Variants in SOX6 observed in about 807,000 individuals in gnomAD.
SOX6 encodes transcription factor SOX-6.
A neutral mutation model predicts 97.8 loss-of-function variants in SOX6; 11 were observed. The ratio of observed to expected loss-of-function variants is 0.11; its 90% confidence interval spans 0.07 to 0.19. SOX6 has a LOEUF of 0.19. SOX6 is among the 10% of genes least tolerant of loss of function. SOX6 has a pLI of 1.00. For missense variants in SOX6, 810 were observed against 1,039.5 expected, an observed-to-expected ratio of 0.78 and a Z score of 3.04; for synonymous variants, 360 against 371.4, an observed-to-expected ratio of 0.97 and a Z score of 0.35.
chr11:15,983,278 C>G (rs1003147435), intron 15 of SOX6, among the ~76,000 whole-genome samples: 1 of 151,940 alleles, frequency 6.6e-6, no homozygotes, highest in African/African-American at 2.4e-5. Flanking sequence ...ACTTACTCTG[C>G]GAACTGAAGA....
At chr11:16,179,773 G>A (rs1851297969) in intron 6 of SOX6, among the ~76,000 whole-genome samples, 1 of 151,864 alleles carries the variant, frequency 6.6e-6, no homozygotes, top group Non-Finnish European at 1.5e-5. Context: ...ACCCCATCCA[G>A]CCAGTCCATT....
intron 6 of SOX6, among the ~76,000 whole-genome samples, chr11:16,132,493 A>C (rs11824857): frequency 0.058 from 6,228 of 106,858 alleles, 784 homozygotes; most frequent in African/African-American, 0.064. Context: ...AGAAAGAAAG[A>C]AAGAAAGAAA....
chr11:16,159,499 A>G (rs1331411356), intron 6 of SOX6, among the ~76,000 whole-genome samples: 7 of 152,106 alleles, frequency 4.6e-5, no homozygotes, highest in African/African-American at 1.2e-4. Context: ...AGGTAATTTG[A>G]CAGAGAAATA....
chr11:16,682,618 C>T (rs962100110), intron 3 of SOX6, among the ~76,000 whole-genome samples: 1 of 152,144 alleles, frequency 6.6e-6, no homozygotes, highest in Non-Finnish European at 1.5e-5. Flanking sequence ...ATGACAAACC[C>T]ACAGCCAACA....
intron 3 of SOX6, among the ~76,000 whole-genome samples, chr11:16,306,611 C>CTTTTTTTTTTTTTTTTTTTTTT (rs750981587): frequency 3.3e-5 from 4 of 120,802 alleles, no homozygotes; most frequent in Admixed American, 9.1e-5. Context: ...CCTCAAATTT[C>CTTTTTTTTTTTTTTTTTTTTTT]TTTTTTTTTT....
Position 16,482,120 on chromosome 11 carries a change from G to A in SOX6, n.610-5732C>T, listed in dbSNP as rs545445710. On this transcript the variant is annotated intron_variant and non_coding_transcript_variant, in intron 4 of 5. Coordinates refer to the SOX6 transcript ENST00000524520. Reference sequence around the variant, plus strand: ...AAAGTATCCATTTTCACACAGATAGGTAGTTAGAAAGAGGCAGAATGTTTT... The same window carrying A: ...AAAGTATCCATTTTCACACAGATAGATAGTTAGAAAGAGGCAGAATGTTTT... Among the ~76,000 whole-genome samples the A allele has an allele frequency of 1.1e-4, 16 of 142,758 alleles. No individual in the cohort carries two copies. The South Asian group carries it at 4.1e-3, about 36-fold the overall frequency. The allele number at this position is 142,758 out of a possible 152,430, so 93.7% of individuals were successfully genotyped here.
At chr11:16,444,553 T>C (rs540222098) in intron 1 of SOX6, among the ~76,000 whole-genome samples, 1 of 152,340 alleles carries the variant, frequency 6.6e-6, no homozygotes, top group Non-Finnish European at 1.5e-5. Flanking sequence ...GGCAATTTTG[T>C]TCACAGAATT....
intron 1 of SOX6, among the ~76,000 whole-genome samples, chr11:16,373,872 GAA>G: frequency 1.1e-4 from 2 of 18,298 alleles, no homozygotes; most frequent in Non-Finnish European, 1.8e-4. Context: ...AGGAAGGAAG[GAA>G]GGAAGGAAGG....
At chr11:16,611,928 A>G (rs1848403213) in intron 4 of SOX6, among the ~76,000 whole-genome samples, 1 of 152,248 alleles carries the variant, frequency 6.6e-6, no homozygotes, top group Admixed American at 6.5e-5. Flanking sequence ...AAAGAAAAAT[A>G]AAGATAAATC....
chr11:16,053,429 C>T (rs1847732525), intron 10 of SOX6, among the ~76,000 whole-genome samples: 1 of 152,012 alleles, frequency 6.6e-6, no homozygotes, highest in Non-Finnish European at 1.5e-5. Flanking sequence ...CCACTAAAAC[C>T]ACCACACCAT....
At chr11:16,503,855 T>C (rs1159731016) in intron 4 of SOX6, among the ~76,000 whole-genome samples, 4 of 151,888 alleles carry the variant, frequency 2.6e-5, no homozygotes, top group African/African-American at 7.3e-5. Flanking sequence ...CCATCCTGGC[T>C]AACAAGGTGA....
chr11:16,317,655 T>C (rs1318363577), intron 3 of SOX6: 3 of 152,904 alleles, frequency 2.0e-5, no homozygotes. Flanking sequence ...TTCCCTAATA[T>C]CAAATCCCAA....
At chr11:15,989,720 C>A (rs1853985743) in intron 13 of SOX6, among the ~76,000 whole-genome samples, 1 of 152,168 alleles carries the variant, frequency 6.6e-6, no homozygotes, top group African/African-American at 2.4e-5. Flanking sequence ...AACCTTCAAT[C>A]ATGTTTCATG....
intron 3 of SOX6, among the ~76,000 whole-genome samples, chr11:16,260,951 C>A (rs1171980275): frequency 1.3e-5 from 2 of 152,138 alleles, no homozygotes; most frequent in African/African-American, 4.8e-5. Flanking sequence ...CTGCTATATT[C>A]CTTCTCTCTT....
chr11:16,132,424 AGAAAGAAAGAAAGAAAGAAAAAAG>A (rs1849817651), intron 6 of SOX6, among the ~76,000 whole-genome samples: 1 of 108,822 alleles, frequency 9.2e-6, no homozygotes, highest in Non-Finnish European at 1.7e-5. Flanking sequence ...AAAGAAAGAA[AGAAAGAAAGAAAGAAAGAAAAAAG>A]AAAGAAAGAA....
intron 3 of SOX6, among the ~76,000 whole-genome samples, chr11:16,652,149 A>G (rs1241955438): frequency 6.6e-6 from 1 of 152,168 alleles, no homozygotes; most frequent in Non-Finnish European, 1.5e-5. Context: ...ATGCTCACGG[A>G]TGGATAGAAT....
At chr11:16,021,991 A>G (rs1855072438) in intron 12 of SOX6, among the ~76,000 whole-genome samples, 2 of 152,120 alleles carry the variant, frequency 1.3e-5, no homozygotes, top group Admixed American at 1.3e-4. Flanking sequence ...AAATTTAGAT[A>G]TGTATTTGTA....
intron 6 of SOX6, among the ~76,000 whole-genome samples, chr11:16,157,314 T>C (rs1850629122): frequency 6.6e-6 from 1 of 152,010 alleles, no homozygotes; most frequent in African/African-American, 2.4e-5. Flanking sequence ...AGGGGGCTAA[T>C]ATCCAAATCC....
chr11:16,662,881 T>C (rs956794738), intron 3 of SOX6, among the ~76,000 whole-genome samples: 21 of 151,840 alleles, frequency 1.4e-4, no homozygotes, highest in Admixed American at 4.6e-4. Flanking sequence ...GCGGGGGAGA[T>C]AGTGTCTCCT....
Sources: gnomAD v4.1 joint callset for allele counts (sites outside exome capture counted in the v4.1 genomes callset) on GRCh38, gnomAD v4.1.1 for gene constraint, MANE v1.5 for transcripts, NCBI Gene and HGNC (gene_info 2026-07-23, HGNC 2026-07-21) for gene names.